SPAST: variants seen among roughly 807,000 people sequenced by gnomAD.
The protein encoded by SPAST is spastic paraplegia 4 (autosomal dominant; spastin).
In SPAST, 30 loss-of-function variants were observed where a neutral mutation model predicts 76.6. The observed-to-expected ratio is 0.39, with a 90% CI of 0.29 to 0.53. The LOEUF (loss-of-function observed/expected upper bound fraction) is 0.53. SPAST is among the 20% of genes least tolerant of loss of function. The pLI is 0.68. For missense variants in SPAST, 717 were observed against 770.5 expected, an observed-to-expected ratio of 0.93 and a Z score of 0.82; for synonymous variants, 305 against 281.0, an observed-to-expected ratio of 1.09 and a Z score of -0.86.
intron 7 of SPAST, among the ~76,000 whole-genome samples, chr2:32,117,224 G>C (rs564927261): frequency 1.2e-3 from 185 of 152,186 alleles, no homozygotes; most frequent in Non-Finnish European, 2.3e-3. Flanking sequence ...CTGCACTCCA[G>C]CCTGGCGACA....
intron 12 of SPAST, 136 bp downstream of exon 12, chr2:32,137,324 T>C: frequency 1.3e-6 from 1 of 764,040 alleles, no homozygotes; most frequent in Non-Finnish European, 2.3e-6. Context: ...CTCTAGCCTC[T>C]TGTTACCAAC....
chr2:32,135,777 T>A (rs1339645554), intron 9 of SPAST, among the ~76,000 whole-genome samples: 2 of 152,112 alleles, frequency 1.3e-5, no homozygotes, highest in Non-Finnish European at 2.9e-5. Flanking sequence ...ACTAAGTTAG[T>A]TGACTATTTG....
chr2:32,082,207 G>C (rs1270800027), intron 1 of SPAST, among the ~76,000 whole-genome samples: 1 of 149,910 alleles, frequency 6.7e-6, no homozygotes, highest in African/African-American at 2.4e-5. Flanking sequence ...TGGCCAGGCT[G>C]GTCTCGAACT....
rs762514549 is a variant in SPAST, at chr2:32,128,479, C to T, written c.1245C>T (p.Tyr415=). The T allele has an allele frequency of 1.3e-6, 2 of 1,586,192 alleles. No individual in the cohort carries two copies. The highest frequency in any genetic ancestry group is 1.1e-5 in the South Asian group (1 of 90,540). Residue 415 remains tyrosine, a splice_region_variant and synonymous_variant, in exon 9 of 17, where the codon TAC becomes TAT. Coordinates refer to ENST00000315285, the MANE Select transcript of SPAST (RefSeq NM_014946.4). ...NISAASLTSK[Y]VGEGEKLVRA... ...GTGCTGCAAGTTTAACTTCAAAATA[C>T]GTGAGTGCTCTGTTTCCAATATTGT...
At chr2:32,150,122 G>T (rs1445185386) in intron 16 of SPAST, among the ~76,000 whole-genome samples, 1 of 149,888 alleles carries the variant, frequency 6.7e-6, no homozygotes, top group Non-Finnish European at 1.5e-5. Context: ...GGCTGGAGTG[G>T]AGTGCAGTGG....
At chr2:32,079,679 C>T (rs1267876926) in intron 1 of SPAST, among the ~76,000 whole-genome samples, 1 of 150,424 alleles carries the variant, frequency 6.6e-6, no homozygotes, top group African/African-American at 2.4e-5. Flanking sequence ...CCACCTCAGC[C>T]TCCCAAGTAG....
At chr2:32,089,436 C>A in intron 2 of SPAST, 86 bp from the exon 3 acceptor site, 1 of 767,238 alleles carries the variant, frequency 1.3e-6, no homozygotes, top group Admixed American at 2.0e-5. Flanking sequence ...ACTGTGACTC[C>A]CCATGAAAGT....
At chr2:32,098,593 TTGTTAATTTC>T (rs1377098237) in intron 3 of SPAST, among the ~76,000 whole-genome samples, 193 bp from the exon 4 acceptor site, 1 of 152,248 alleles carries the variant, frequency 6.6e-6, no homozygotes, top group Non-Finnish European at 1.5e-5. Context: ...AGCCATTCAC[TTGTTAATTTC>T]TGTTATTTTC....
intron 3 of SPAST, among the ~76,000 whole-genome samples, chr2:32,094,812 A>C (rs1228758467): frequency 6.6e-6 from 1 of 152,206 alleles, no homozygotes; most frequent in East Asian, 1.9e-4. Flanking sequence ...TTTACTAAAA[A>C]TAGAAAAATT....
rs140642309 is a variant in SPAST, at chr2:32,115,768, G to T, written c.937G>T (p.Asp313Tyr). 7.4e-6 allele frequency: 12 copies of T among 1,611,464 alleles called. No homozygotes were observed. Among genetic ancestry groups the T allele is most frequent in the Non-Finnish European group, 1.0e-5 (12 of 1,178,022 alleles). The change falls in exon 6 of 17, where the codon GAC (aspartate) becomes TAC (tyrosine). Residue 313 changes from aspartate (D) to tyrosine (Y), a missense_variant. Asp to Tyr is a radical substitution (Grantham distance 160). This residue lies in a region of SPAST where 543 missense variants were observed against 445.2 expected (regional missense o/e 1.22). Transcript: ENST00000315285. ...TPTTATRKKK[D>Y]LKNFRNVDSN... The stretch of plus-strand genomic sequence containing the variant: ...TACAACTGCTACTCGTAAGAAAAAA[G>T]ACTTGAAGAATTTTAGGAATGTGGA...
intron 1 of SPAST, among the ~76,000 whole-genome samples, chr2:32,081,255 C>T (rs758745559): frequency 1.3e-5 from 2 of 152,028 alleles, no homozygotes; most frequent in Non-Finnish European, 2.9e-5. Context: ...CCTCACCTGG[C>T]GTTTTTTTGT....
chr2:32,079,923 G>A (rs916521496), intron 1 of SPAST, among the ~76,000 whole-genome samples: 4 of 152,026 alleles, frequency 2.6e-5, no homozygotes, highest in South Asian at 2.1e-4. Flanking sequence ...TTTAAGTCCC[G>A]GCTTTCAATA....
chr2:32,123,261 C>CAA (rs112753143), intron 7 of SPAST, among the ~76,000 whole-genome samples: 124 of 142,994 alleles, frequency 8.7e-4, no homozygotes, highest in East Asian at 4.2e-3. Flanking sequence ...GACTCCGTCT[C>CAA]AAAAAAAAAA....
intron 1 of SPAST, among the ~76,000 whole-genome samples, chr2:32,086,317 C>G (rs766771604): frequency 1.3e-5 from 2 of 151,828 alleles, no homozygotes; most frequent in Middle Eastern, 3.4e-3. Context: ...CAAAAATTAG[C>G]TAAGTGTGGT....
chr2:32,137,079 A>C, intron 11 of SPAST, 30 bp from the exon 12 acceptor site: 1 of 1,596,678 alleles, frequency 6.3e-7, no homozygotes, highest in Non-Finnish European at 8.6e-7. Context: ...ACTTTTCTAA[A>C]TGAATTGAAA....
intron 1 of SPAST, among the ~76,000 whole-genome samples, chr2:32,073,753 A>G (rs1194457414): frequency 6.6e-6 from 1 of 152,216 alleles, no homozygotes; most frequent in East Asian, 1.9e-4. Flanking sequence ...CATCATATAC[A>G]ATAAAACATC....
intron 3 of SPAST, 116 bp from the exon 4 acceptor site, chr2:32,098,678 CAT>C: frequency 1.5e-6 from 1 of 646,632 alleles, no homozygotes; most frequent in South Asian, 1.9e-5. Flanking sequence ...AACTTTTTAT[CAT>C]GTAACAATCT....
At chr2:32,089,040 CTG>C (rs1223833498) in intron 2 of SPAST, among the ~76,000 whole-genome samples, 6 of 151,944 alleles carry the variant, frequency 3.9e-5, no homozygotes, top group Admixed American at 2.6e-4. Context: ...TCATGAGAAA[CTG>C]TAACTATTTT....
At position 32,089,584 on chromosome 2, in the gene SPAST, A is replaced by G; in HGVS notation, c.565A>G (p.Lys189Glu). Residue 189 changes from lysine (K) to glutamate (E), a missense_variant, in exon 3 of 17, where the codon AAG becomes GAG. Physicochemically the swap from Lys to Glu is moderately conservative, Grantham distance 56. This residue lies in a region of SPAST where 543 missense variants were observed against 445.2 expected (regional missense o/e 1.22). Transcript: ENST00000315285. Reference sequence around the variant, plus strand: ...AATGATGACTAATTTGGTTATGGCCAAGGACCGCTTACAACTTCTAGGTAT... The same window carrying G: ...AATGATGACTAATTTGGTTATGGCCGAGGACCGCTTACAACTTCTAGGTAT... ...AKMMTNLVMA[K>E]DRLQLLEKMQ... 2 of 1,591,632 alleles carry G rather than the reference A, an allele frequency of 1.3e-6. No individual in the cohort carries two copies. Among genetic ancestry groups the G allele is most frequent in the Non-Finnish European group, 1.7e-6 (2 of 1,159,646 alleles).
Sources: gnomAD v4.1 joint callset for allele counts (sites outside exome capture counted in the v4.1 genomes callset) on GRCh38, gnomAD v4.1.1 for gene constraint, gnomAD v4.1.1 regional missense constraint, MANE v1.5 for transcripts, NCBI Gene and HGNC (gene_info 2026-07-23, HGNC 2026-07-21) for gene names.